The following CTNNAL1 variants were observed in gnomAD, a reference collection of about 807,000 sequenced individuals.
CTNNAL1 encodes catenin alpha like 1.
Under a neutral mutation model 93.6 loss-of-function variants are expected in CTNNAL1, and 69 were observed. That is an observed-to-expected ratio of 0.74 (90% CI 0.61 to 0.90). The LOEUF is 0.90. Among genes scored for constraint, CTNNAL1 ranks in the 40% least tolerant of loss-of-function variants. The probability of loss-of-function intolerance (pLI) is 0.00; values close to 1 mark genes in which losing one functional copy is unlikely to be tolerated. For synonymous variants in CTNNAL1, 286 were observed against 305.4 expected (o/e 0.94, Z 0.66); for missense variants, 836 against 862.0 (o/e 0.97, Z 0.38).
rs180918443 is a variant in CTNNAL1 at position 108,954,468 on chromosome 9, T to A, written c.1629+1322A>T. Among the ~76,000 whole-genome samples, 29 of 152,334 alleles carry A rather than the reference T, an allele frequency of 1.9e-4. No homozygotes were observed. The East Asian group carries it at 5.0e-3, about 26-fold the overall frequency. ...GCCTTTTCTAATTCTCAAAAAATTA[T>A]TTTGTAGTAGCCCTAAATTATAGCA... On this transcript the variant is annotated intron_variant, in intron 12 of 18. Coordinates refer to ENST00000325551, the MANE Select transcript of CTNNAL1 (RefSeq NM_003798.4).
At chr9:108,995,953 T>C (rs1832000345) in intron 2 of CTNNAL1, among the ~76,000 whole-genome samples, 1 of 146,828 alleles carries the variant, frequency 6.8e-6, no homozygotes. Flanking sequence ...AATCTGACCC[T>C]AAGACTTTAG....
At chr9:108,946,827 T>G (rs1271286126) in intron 15 of CTNNAL1, among the ~76,000 whole-genome samples, 1 of 152,122 alleles carries the variant, frequency 6.6e-6, no homozygotes, top group African/African-American at 2.4e-5. Flanking sequence ...ATTTAATGAC[T>G]AAGCTCACAT....
In CTNNAL1 at chr9:108,986,641, C is replaced by T. The variant is rs1445071672; in HGVS notation, c.640-2205G>A. On this transcript the variant is annotated intron_variant, in intron 4 of 18. Transcript: ENST00000325551. ...ATGGTTGAACTAGTTTACAGTCCCA[C>T]CAACAGTGTAAAAGTGCTCCTATTT... 5.9e-5 allele frequency among the ~76,000 whole-genome samples: 9 copies of T among 151,710 alleles called. No homozygotes were observed. In the South Asian group the frequency reaches 1.7e-3, roughly 28 times the overall value.
At chr9:109,000,731 G>A (rs762303898) in intron 1 of CTNNAL1, among the ~76,000 whole-genome samples, 1 of 151,196 alleles carries the variant, frequency 6.6e-6, no homozygotes, top group East Asian at 1.9e-4. Context: ...CCTTAGGAAT[G>A]AGCCTCTCCT....
chr9:108,980,138 T>C (rs886915632), intron 6 of CTNNAL1, among the ~76,000 whole-genome samples: 12 of 152,206 alleles, frequency 7.9e-5, no homozygotes, highest in Non-Finnish European at 1.8e-4. Context: ...CAAACGTCTA[T>C]GTAGTATAGC....
rs1356625319 is a variant in CTNNAL1 at position 108,952,590 on chromosome 9, A to G, written c.1630-96T>C. 7 of 1,468,076 alleles carry G rather than the reference A, an allele frequency of 4.8e-6. No homozygotes were observed. In the Admixed American group the frequency reaches 1.0e-4, roughly 21 times the overall value. 90.9% of individuals were successfully genotyped at this position (1,468,076 alleles called of 1,614,324 possible). ...TACAAAGCATAACAAAGTACTTGTA[A>G]CAAAAGTTTAAAATATTCAGTATGT... On this transcript the variant is annotated intron_variant, in intron 12 of 18. Transcript: ENST00000325551.
intron 1 of CTNNAL1, among the ~76,000 whole-genome samples, chr9:109,004,855 T>A (rs967633828): frequency 6.6e-6 from 1 of 152,180 alleles, no homozygotes; most frequent in African/African-American, 2.4e-5. Flanking sequence ...ATGTTTAACA[T>A]AGTACCATAA....
At chr9:109,009,306 AT>A (rs34690526) in intron 1 of CTNNAL1, among the ~76,000 whole-genome samples, 143,922 of 150,264 alleles carry the variant, frequency 0.96, 68,966 homozygotes, top group East Asian at 1. Context: ...ATACTGCCCT[AT>A]TTTTTTTTTT....
At chr9:108,992,952 T>C (rs978175014) in intron 2 of CTNNAL1, 133 bp from the exon 3 acceptor site, 3 of 978,998 alleles carry the variant, frequency 3.1e-6, no homozygotes, top group Non-Finnish European at 4.4e-6. Flanking sequence ...CAAGAAACGG[T>C]TTCACCTTGA....
intron 17 of CTNNAL1, 144 bp from the exon 18 acceptor site, chr9:108,943,188 T>C (rs939401538): frequency 4.0e-6 from 3 of 745,220 alleles, no homozygotes; most frequent in Non-Finnish European, 6.4e-6. Context: ...GCACATGAGC[T>C]GACTCAAAGC....
intron 17 of CTNNAL1, 123 bp downstream of exon 17, chr9:108,943,580 A>T: frequency 1.4e-6 from 1 of 727,244 alleles, no homozygotes; most frequent in Non-Finnish European, 2.2e-6. Flanking sequence ...TGATTCTTGT[A>T]GACAAGGCAT....
intron 11 of CTNNAL1, among the ~76,000 whole-genome samples, chr9:108,959,423 TG>T (rs988160299): frequency 5.1e-5 from 7 of 136,432 alleles, no homozygotes; most frequent in African/African-American, 1.9e-4. Flanking sequence ...CTCCCATCTC[TG>T]GGGGAAAAAA....
chr9:108,974,972 G>A (rs1400803640), intron 8 of CTNNAL1, among the ~76,000 whole-genome samples: 1 of 152,050 alleles, frequency 6.6e-6, no homozygotes, highest in Non-Finnish European at 1.5e-5. Flanking sequence ...AGACCAGCCT[G>A]GCCAACATGG....
chr9:109,013,434 G>A lies in CTNNAL1; in HGVS notation c.9C>T (p.Ala3=). Reference sequence around the variant, plus strand: ...CGCCAACGCCGGCGGGTCCGGGAGAGGCGGCCATGGCCCTCGGTCTATCCC... The same window carrying A: ...CGCCAACGCCGGCGGGTCCGGGAGAAGCGGCCATGGCCCTCGGTCTATCCC... MA[A]SPGPAGVGGA... is the part of the protein sequence containing the mutation. Residue 3 remains alanine (A), a synonymous_variant, in exon 1 of 19, where the codon GCC becomes GCT. Transcript: ENST00000325551. 6.8e-7 allele frequency: 1 copy of A among 1,475,818 alleles called. No individual in the cohort carries two copies. The highest frequency in any genetic ancestry group is 9.0e-7 in the Non-Finnish European group (1 of 1,111,538). The allele number at this position is 1,475,818 out of a possible 1,614,324, so 91.4% of individuals were successfully genotyped here. A position where few individuals can be genotyped will look rare whatever the true frequency, so the allele number is the denominator to read the frequency against.
chr9:109,001,434 C>G (rs921126305), intron 1 of CTNNAL1, among the ~76,000 whole-genome samples: 1 of 152,160 alleles, frequency 6.6e-6, no homozygotes, highest in Non-Finnish European at 1.5e-5. Context: ...CCTCATTTCT[C>G]TCCACATGAG....
At chr9:108,958,952 G>GA (rs1310333561) in intron 11 of CTNNAL1, among the ~76,000 whole-genome samples, 7,816 of 120,968 alleles carry the variant, frequency 0.065, 226 homozygotes, top group Middle Eastern at 0.091. Flanking sequence ...ATTCTAAGCA[G>GA]AAAAAAAAAA....
At chr9:108,965,350 A>G (rs1157941894) in intron 11 of CTNNAL1, 28 bp downstream of exon 11, 1 of 1,364,756 alleles carries the variant, frequency 7.3e-7, no homozygotes, top group Non-Finnish European at 9.6e-7. Flanking sequence ...AAATAATAAC[A>G]TATTTCATTA....
At position 108,998,921 on chromosome 9, in the gene CTNNAL1, C is replaced by T. The variant is rs544802977; in HGVS notation, c.331+146G>A. On this transcript the variant is annotated intron_variant, in intron 2 of 18. Transcript: ENST00000325551. ...CTTGATCCAAGCCAAGTGCAGTATT[C>T]GCGGAAGCTAATCCAGGCCTTTAAT... 7.6e-6 allele frequency: 7 copies of T among 922,836 alleles called. No individual in the cohort carries two copies. In the East Asian group the frequency reaches 8.8e-5, roughly 12 times the overall value. The allele number at this position is 922,836 out of a possible 1,614,324, so 57.2% of individuals were successfully genotyped here. A position where few individuals can be genotyped will look rare whatever the true frequency, so the allele number is the denominator to read the frequency against.
Position 108,983,367 on chromosome 9 carries a change from C to T in CTNNAL1, c.730-52G>A, listed in dbSNP as rs767989234. 10 of 1,357,406 alleles carry T rather than the reference C, an allele frequency of 7.4e-6. No homozygotes were observed. In the East Asian group the frequency reaches 2.0e-4, roughly 28 times the overall value. The allele number at this position is 1,357,406 out of a possible 1,614,324, so 84.1% of individuals were successfully genotyped here. ...TTAATATTTGATTTATGTCATAATG[C>T]ACAAAAATCTTACAGAGAACATGTC... On this transcript the variant is annotated intron_variant, in intron 5 of 18. Transcript: ENST00000325551.
Sources: allele counts gnomAD v4.1 joint callset (sites outside exome capture counted in the v4.1 genomes callset), GRCh38; gene constraint gnomAD v4.1.1; transcripts MANE v1.5; gene names NCBI Gene and HGNC (gene_info 2026-07-23, HGNC 2026-07-21).